The following SERPINA12 variants were observed in gnomAD, a reference collection of about 807,000 sequenced individuals.
SERPINA12 encodes the protein serpin family A member 12.
A neutral mutation model predicts 25.9 loss-of-function variants in SERPINA12; 21 were observed. The ratio of observed to expected loss-of-function variants is 0.81; its 90% CI spans 0.58 to 1.17. SERPINA12 has a LOEUF of 1.17. Among genes scored for constraint, SERPINA12 ranks in the 50% most tolerant of loss-of-function variants. SERPINA12 has a pLI of 0.00. For synonymous variants in SERPINA12, 220 were observed against 196.0 expected (o/e 1.12, Z -1.02); for missense variants, 562 against 508.3 (o/e 1.11, Z -1.02).
chr14:94,516,710 T>C (rs1487770509), intron 1 of SERPINA12, among the ~76,000 whole-genome samples: 2 of 152,232 alleles, frequency 1.3e-5, no homozygotes, highest in African/African-American at 4.8e-5. Flanking sequence ...CCAAAGCTTA[T>C]ACCTTACAGT....
At chr14:94,509,567 G>A (rs1274564494), upstream of SERPINA12, among the ~76,000 whole-genome samples, 2 of 152,128 alleles carry the variant, frequency 1.3e-5, no homozygotes, top group East Asian at 3.9e-4. Flanking sequence ...CCCTTTCCCA[G>A]GATCAGCCTG....
rs144330691 is a variant in SERPINA12 at position 94,498,350 on chromosome 14, C to T, written c.48G>A (p.Thr16=). ...AGCTCGGCTTTAGAAGACCTTTCAC[C>T]GTGAGGAGAACAGCCAGAAAAATGG... ...GLAIFLAVLL[T]VKGLLKPSFS... Residue 16 remains threonine, a synonymous_variant, in exon 2 of 5, where the codon ACG becomes ACA. Transcript: ENST00000677451. The T allele has an allele frequency of 9.7e-5, 156 of 1,614,082 alleles. No individual in the cohort carries two copies. Among genetic ancestry groups the T allele is most frequent in the African/African-American group, 3.2e-4 (24 of 74,992 alleles).
In SERPINA12 at chr14:94,497,768, A is replaced by G; in HGVS notation, c.630T>C (p.Phe210=). The G allele has an allele frequency of 3.1e-6, 5 of 1,601,954 alleles. No homozygotes were observed. The highest frequency in any genetic ancestry group is 4.3e-6 in the Non-Finnish European group (5 of 1,174,314). The change falls in exon 2 of 5, where the codon TTT becomes TTC. Residue 210 remains phenylalanine, a synonymous_variant. Transcript: ENST00000677451. ...TVMLLANYIF[F]RARWKHEFDP... ...CCAACATGCCAAAAGCCTTACCTCG[A>G]AAGAAAATATAATTTGCAAGAAGCA...
At chr14:94,506,786 C>A (rs1344114202) in intron 1 of SERPINA12, among the ~76,000 whole-genome samples, 1 of 152,160 alleles carries the variant, frequency 6.6e-6, no homozygotes, top group Non-Finnish European at 1.5e-5. Context: ...GGTGAGGGTG[C>A]CTTTAAGAAC....
intron 2 of SERPINA12, among the ~76,000 whole-genome samples, chr14:94,497,083 T>C (rs968290133): frequency 6.6e-6 from 1 of 152,242 alleles, no homozygotes; most frequent in African/African-American, 2.4e-5. Flanking sequence ...GCAGTGATTT[T>C]GTCTGGACTG....
chr14:94,489,360 TC>T (rs1900053998), intron 4 of SERPINA12, among the ~76,000 whole-genome samples: 2 of 152,292 alleles, frequency 1.3e-5, no homozygotes, highest in African/African-American at 4.8e-5. Context: ...TGATAACTGT[TC>T]CAGGCCTTGA....
chr14:94,508,375 T>C (rs539559818), intron 1 of SERPINA12, among the ~76,000 whole-genome samples: 51 of 90,772 alleles, frequency 5.6e-4, no homozygotes, highest in Middle Eastern at 5.4e-3. Context: ...AAGTAAGAAA[T>C]AAAAGGAGAG....
intron 2 of SERPINA12, among the ~76,000 whole-genome samples, chr14:94,514,807 G>A (rs1413429481): frequency 6.6e-6 from 1 of 152,182 alleles, no homozygotes; most frequent in Non-Finnish European, 1.5e-5. Flanking sequence ...TTGACTCAGG[G>A]CTTCTGCAGC....
upstream of SERPINA12, chr14:94,511,453 A>G (rs560897315): frequency 4.3e-5 from 42 of 985,306 alleles, no homozygotes; most frequent in Admixed American, 1.2e-4. Flanking sequence ...TAGTGCAGAA[A>G]CTTTGGGAGA....
intron 1 of SERPINA12, chr14:94,517,306 T>C (rs1263013627): frequency 6.6e-6 from 1 of 152,304 alleles, no homozygotes; most frequent in East Asian, 1.9e-4. Context: ...TACTCACCTC[T>C]GTCTCCCAAA....
intron 1 of SERPINA12, among the ~76,000 whole-genome samples, chr14:94,506,254 T>A (rs1368576515): frequency 6.6e-6 from 1 of 152,168 alleles, no homozygotes; most frequent in Non-Finnish European, 1.5e-5. Flanking sequence ...GAGCTAGGAA[T>A]TTCTGGTCCT....
At chr14:94,493,990 C>T (rs924086132) in intron 3 of SERPINA12, among the ~76,000 whole-genome samples, 1 of 152,120 alleles carries the variant, frequency 6.6e-6, no homozygotes, top group South Asian at 2.1e-4. Flanking sequence ...TGAGCTGTAG[C>T]CCCATGGAGA....
upstream of SERPINA12, among the ~76,000 whole-genome samples, chr14:94,512,266 C>A (rs758938946): frequency 2.0e-5 from 3 of 152,314 alleles, no homozygotes; most frequent in South Asian, 2.1e-4. Context: ...GACATTGAGG[C>A]GGAGCACAGG....
intron 1 of SERPINA12, among the ~76,000 whole-genome samples, chr14:94,508,983 C>G (rs959423793): frequency 2.6e-5 from 4 of 152,178 alleles, no homozygotes; most frequent in African/African-American, 9.7e-5. Flanking sequence ...TTGGGTGCTG[C>G]TAGACCCATT....
intron 1 of SERPINA12, among the ~76,000 whole-genome samples, chr14:94,498,681 G>T (rs1279330858): frequency 1.3e-5 from 2 of 152,190 alleles, no homozygotes; most frequent in African/African-American, 4.8e-5. Flanking sequence ...TGGAAACAGT[G>T]TCTCAATTCC....
intron 1 of SERPINA12, among the ~76,000 whole-genome samples, chr14:94,507,733 G>A (rs1043655512): frequency 6.6e-6 from 1 of 152,194 alleles, no homozygotes; most frequent in African/African-American, 2.4e-5. Flanking sequence ...TTATATTGCG[G>A]GTGGGTGTGC....
chr14:94,497,682 T>A, intron 2 of SERPINA12, 82 bp downstream of exon 2: 1 of 1,324,756 alleles, frequency 7.5e-7, no homozygotes, highest in Non-Finnish European at 1.0e-6. Flanking sequence ...GGTCACAGAG[T>A]AAACAAGTGG....
At chr14:94,495,550 C>T (rs1009455146) in intron 3 of SERPINA12, among the ~76,000 whole-genome samples, 3 of 152,236 alleles carry the variant, frequency 2.0e-5, no homozygotes, top group Admixed American at 1.3e-4. Context: ...CCTGACAGGA[C>T]GTTAGGTGTG....
At chr14:94,512,484 G>T (rs1471704120), upstream of SERPINA12, among the ~76,000 whole-genome samples, 1 of 152,176 alleles carries the variant, frequency 6.6e-6, no homozygotes, top group Non-Finnish European at 1.5e-5. Context: ...TATAATAGTT[G>T]TTAATAAAAT....
Sources: gnomAD v4.1 joint callset for allele counts (sites outside exome capture counted in the v4.1 genomes callset) on GRCh38, gnomAD v4.1.1 for gene constraint, MANE v1.5 for transcripts, NCBI Gene and HGNC (gene_info 2026-07-23, HGNC 2026-07-21) for gene names.